KCND2: variants seen among roughly 807,000 people sequenced by gnomAD.
The protein encoded by KCND2 is A-type voltage-gated potassium channel KCND2.
KCND2 carries 16 observed loss-of-function variants against 54.4 expected under a neutral mutation model. The observed-to-expected ratio is 0.29, with a 90% CI of 0.20 to 0.45. KCND2 has a LOEUF of 0.45. KCND2 is among the 20% of genes least tolerant of loss of function. The probability of loss-of-function intolerance (pLI) is 1.00; values close to 1 mark genes in which losing one functional copy is unlikely to be tolerated. For synonymous variants in KCND2, 317 were observed against 310.7 expected (o/e 1.02, Z -0.21); for missense variants, 486 against 824.2 (o/e 0.59, Z 5.02).
intron 1 of KCND2, among the ~76,000 whole-genome samples, chr7:120,385,953 T>C (rs941681994): frequency 6.6e-6 from 1 of 152,160 alleles, no homozygotes; most frequent in African/African-American, 2.4e-5. Context: ...TGATACTAAT[T>C]CCATCTAGAC....
At chr7:120,600,878 TA>T (rs1562884697) in intron 1 of KCND2, among the ~76,000 whole-genome samples, 4 of 152,118 alleles carry the variant, frequency 2.6e-5, no homozygotes. Flanking sequence ...AATGGTCATG[TA>T]TAATTTTTTA....
At chr7:120,669,282 T>C (rs537724323) in intron 1 of KCND2, among the ~76,000 whole-genome samples, 1 of 152,206 alleles carries the variant, frequency 6.6e-6, no homozygotes, top group East Asian at 1.9e-4. Flanking sequence ...TTTTTTCCCA[T>C]GTCCTTCTCC....
intron 1 of KCND2, among the ~76,000 whole-genome samples, chr7:120,719,608 C>G: frequency 6.6e-6 from 1 of 152,034 alleles, no homozygotes; most frequent in East Asian, 1.9e-4. Flanking sequence ...GAATATTTTT[C>G]TTTATTTAAA....
rs910691096 is a variant in KCND2, at chr7:120,369,285, T to C, written c.1115+93538T>C. On this transcript the variant is annotated intron_variant, in intron 1 of 5. Coordinates refer to ENST00000331113, the MANE Select transcript of KCND2 (RefSeq NM_012281.3). The stretch of plus-strand genomic sequence containing the variant: ...CGTGTGGTTAATTAGGTACCTCTTA[T>C]ATTTTGCTTCAGTTTATTTTCAACT... Among the ~76,000 whole-genome samples, 37 of 152,164 alleles carry C rather than the reference T, an allele frequency of 2.4e-4. 2 individuals carry two copies. The highest frequency in any genetic ancestry group is 7.9e-4 in the Admixed American group (12 of 15,236).
chr7:120,454,913 A>G (rs1333132611), intron 1 of KCND2, among the ~76,000 whole-genome samples: 1 of 152,210 alleles, frequency 6.6e-6, no homozygotes, highest in Non-Finnish European at 1.5e-5. Flanking sequence ...AGCCAAATCA[A>G]GAATGCAATT....
At chr7:120,393,805 C>T (rs1801112862) in intron 1 of KCND2, among the ~76,000 whole-genome samples, 1 of 151,912 alleles carries the variant, frequency 6.6e-6, no homozygotes, top group Non-Finnish European at 1.5e-5. Context: ...AAAACATATT[C>T]TGAGAAAAAT....
intron 1 of KCND2, among the ~76,000 whole-genome samples, chr7:120,393,413 T>G (rs1404920906): frequency 1.3e-5 from 2 of 152,048 alleles, no homozygotes; most frequent in African/African-American, 4.8e-5. Flanking sequence ...TAGATACCTT[T>G]GGAAAGATAA....
In KCND2 at chr7:120,274,536, G is replaced by C. The variant is rs1584706012; in HGVS notation, c.-97G>C. Reference sequence around the variant, plus strand: ...CACCTCTGGACCACGTTTCTCACTAGTACTTTGCTTGACTGGAGGAAGTGG... The same window carrying C: ...CACCTCTGGACCACGTTTCTCACTACTACTTTGCTTGACTGGAGGAAGTGG... On this transcript the variant is annotated 5_prime_UTR_variant, in exon 1 of 6. Coordinates refer to ENST00000331113, the MANE Select transcript of KCND2 (RefSeq NM_012281.3). The C allele has an allele frequency of 1.3e-5, 18 of 1,379,054 alleles. No homozygotes were observed. The East Asian group carries it at 2.7e-4, about 21-fold the overall frequency. The allele number at this position is 1,379,054 out of a possible 1,614,324, so 85.4% of individuals were successfully genotyped here. A position where few individuals can be genotyped will look rare whatever the true frequency, so the allele number is the denominator to read the frequency against.
intron 1 of KCND2, among the ~76,000 whole-genome samples, chr7:120,326,553 A>T (rs774032324): frequency 6.6e-6 from 1 of 152,116 alleles, no homozygotes; most frequent in Non-Finnish European, 1.5e-5. Flanking sequence ...GGGAAAATAT[A>T]TTCTATCTTG....
rs566764231 is a variant in KCND2 at position 120,513,665 on chromosome 7, G to A, written c.1116-219238G>A. 1.2e-4 allele frequency among the ~76,000 whole-genome samples: 19 copies of A among 152,042 alleles called. No individual in the cohort carries two copies. In the East Asian group the frequency reaches 3.5e-3, roughly 28 times the overall value. On this transcript the variant is annotated intron_variant, in intron 1 of 5. Transcript: ENST00000331113. Reference sequence around the variant, plus strand: ...TTTTAAATAGTTACAATAGTTGAGAGTTTGGTTTGTTGATTTCGTTTTTTG... The same window carrying A: ...TTTTAAATAGTTACAATAGTTGAGAATTTGGTTTGTTGATTTCGTTTTTTG...
intron 1 of KCND2, among the ~76,000 whole-genome samples, chr7:120,488,794 A>G (rs1802730262): frequency 6.6e-6 from 1 of 151,998 alleles, no homozygotes; most frequent in Non-Finnish European, 1.5e-5. Context: ...TATTTATTTA[A>G]ATGAAAGTAA....
intron 1 of KCND2, among the ~76,000 whole-genome samples, chr7:120,576,529 A>C (rs1792436539): frequency 6.6e-6 from 1 of 152,206 alleles, no homozygotes; most frequent in African/African-American, 2.4e-5. Context: ...AAAATTTTTA[A>C]AGTATTTTTA....
intron 1 of KCND2, among the ~76,000 whole-genome samples, chr7:120,415,816 A>T (rs1801516247): frequency 6.6e-6 from 1 of 152,232 alleles, no homozygotes; most frequent in Non-Finnish European, 1.5e-5. Flanking sequence ...TCAGAAGCAC[A>T]TCAAATTCAG....
intron 1 of KCND2, among the ~76,000 whole-genome samples, chr7:120,670,686 G>A (rs773051176): frequency 2.0e-5 from 3 of 152,004 alleles, no homozygotes; most frequent in Non-Finnish European, 2.9e-5. Flanking sequence ...GGAGGCCGAG[G>A]TGGGTGGATC....
intron 1 of KCND2, among the ~76,000 whole-genome samples, chr7:120,488,182 G>A (rs962713407): frequency 2.0e-5 from 3 of 152,028 alleles, no homozygotes; most frequent in Admixed American, 2.0e-4. Context: ...GCAACAGAGT[G>A]AGACCCTGTC....
chr7:120,724,555 G>A (rs1302348592), intron 1 of KCND2, among the ~76,000 whole-genome samples: 1 of 152,206 alleles, frequency 6.6e-6, no homozygotes, highest in African/African-American at 2.4e-5. Flanking sequence ...TGGAGGATGA[G>A]GTGGCCAAGT....
At chr7:120,462,468 A>G (rs1051771375) in intron 1 of KCND2, among the ~76,000 whole-genome samples, 3 of 152,056 alleles carry the variant, frequency 2.0e-5, no homozygotes, top group Admixed American at 6.6e-5. Flanking sequence ...TAAGCATATT[A>G]AAGAGCACAG....
intron 1 of KCND2, among the ~76,000 whole-genome samples, chr7:120,310,496 T>C (rs928943488): frequency 2.7e-4 from 41 of 152,198 alleles, no homozygotes; most frequent in African/African-American, 9.9e-4. Flanking sequence ...AATGTCTGGC[T>C]CACAACATGC....
chr7:120,362,948 T>C (rs576942074), intron 1 of KCND2, among the ~76,000 whole-genome samples: 195 of 151,976 alleles, frequency 1.3e-3, no homozygotes, highest in African/African-American at 4.4e-3. Context: ...GGAGTATAGC[T>C]GGAGAAAGGG....
Sources: gnomAD v4.1 joint callset for allele counts (sites outside exome capture counted in the v4.1 genomes callset) on GRCh38, gnomAD v4.1.1 for gene constraint, MANE v1.5 for transcripts, NCBI Gene and HGNC (gene_info 2026-07-23, HGNC 2026-07-21) for gene names.